The following EPN1 variants were observed in gnomAD, a reference collection of about 807,000 sequenced individuals.
EPN1 encodes epsin-1.
A neutral mutation model predicts 56.9 loss-of-function variants in EPN1; 25 were observed. The ratio of observed to expected loss-of-function variants is 0.44; its 90% CI spans 0.32 to 0.61. The LOEUF is 0.61. EPN1 is among the 20% of genes least tolerant of loss of function. The probability of loss-of-function intolerance (pLI) is 0.05; values close to 1 mark genes in which losing one functional copy is unlikely to be tolerated. For synonymous variants in EPN1, 411 were observed against 361.8 expected, an observed-to-expected ratio of 1.14 and a Z score of -1.54; for missense variants, 785 against 823.7, an observed-to-expected ratio of 0.95 and a Z score of 0.58.
chr19:55,687,161 C>T (rs770827665), intron 3 of EPN1, among the ~76,000 whole-genome samples: 1 of 152,154 alleles, frequency 6.6e-6, no homozygotes, highest in Non-Finnish European at 1.5e-5. Context: ...CATCTTGGTG[C>T]ATTCTTTTCA....
Position 55,689,756 on chromosome 19 carries a change from T to G in EPN1, c.679-111T>G, listed in dbSNP as rs552246524. ...ACATTGTCCGCATCCCATCGAATCC[T>G]TCAGCCGCTTTCGTTGGGGTGGGAG... On this transcript the variant is annotated intron_variant, in intron 5 of 10. Coordinates refer to ENST00000270460, the MANE Select transcript of EPN1 (RefSeq NM_001130072.2). This position sits in a 1 kb window ranked among gnomAD's most constrained non-coding sequence, Gnocchi z 5.7. 6.2e-5 allele frequency: 61 copies of G among 989,978 alleles called. No homozygotes were observed. The highest frequency in any genetic ancestry group is 9.0e-5 in the Non-Finnish European group (58 of 643,576). 61.3% of individuals were successfully genotyped at this position (989,978 alleles called of 1,614,324 possible).
At chr19:55,692,153 C>T (rs916624306) in intron 7 of EPN1, 96 bp downstream of exon 7, 64 of 1,241,976 alleles carry the variant, frequency 5.2e-5, no homozygotes, top group South Asian at 6.1e-5. Context: ...GAGCCAGTGG[C>T]GCCGGGCAGT....
Position 55,698,144 on chromosome 19 carries a change from G to C in EPN1, c.*2788G>C, listed in dbSNP as rs1332584320. ...TGTGAGGGTGGCGGGGGTTGGGGGG[G>C]ATGGCGGCGGGGTTCATTTGCTGAA... On this transcript the variant is annotated 3_prime_UTR_variant, in exon 11 of 11. Transcript: ENST00000270460. The C allele has an allele frequency of 7.4e-6, 1 of 134,922 alleles. No homozygotes were observed. The highest frequency in any genetic ancestry group is 1.6e-5 in the Non-Finnish European group (1 of 62,540). The allele number at this position is 134,922 out of a possible 1,614,324, so 8.4% of individuals were successfully genotyped here.
intron 1 of EPN1, chr19:55,677,192 C>G (rs755766586): frequency 1.6e-5 from 25 of 1,547,796 alleles, no homozygotes; most frequent in Non-Finnish European, 2.1e-5. Flanking sequence ...AGAGCTGGCT[C>G]TGGAACCAGG....
intron 1 of EPN1, among the ~76,000 whole-genome samples, chr19:55,678,209 T>C (rs942251470): frequency 1.2e-4 from 19 of 152,206 alleles, no homozygotes; most frequent in African/African-American, 4.3e-4. Flanking sequence ...GATGACCGCA[T>C]GGAGCCCCAT....
rs776315024 is a variant in EPN1, at chr19:55,692,916, A to G, written c.1178-35A>G. ...GAGGTGGGGGCTGAGGCGGGGCCCC[A>G]GGGAGGGGCTGAGCAGAACATCCTG... On this transcript the variant is annotated intron_variant, in intron 8 of 10. Coordinates refer to ENST00000270460, the MANE Select transcript of EPN1 (RefSeq NM_001130072.2). The G allele has an allele frequency of 2.9e-5, 47 of 1,608,450 alleles. 1 individual carries two copies. Among genetic ancestry groups the G allele is most frequent in the South Asian group, 4.4e-5 (4 of 90,706 alleles).
intron 2 of EPN1, among the ~76,000 whole-genome samples, chr19:55,683,910 C>G (rs76889362): frequency 0.077 from 11,786 of 152,258 alleles, 611 homozygotes; most frequent in East Asian, 0.29. Flanking sequence ...TGGCACGACT[C>G]TGCCCAGCGC....
In EPN1 at chr19:55,704,162, C is replaced by G. The variant is rs1433865706; in HGVS notation, c.*8806C>G. On this transcript the variant is annotated 3_prime_UTR_variant, in exon 11 of 11. Coordinates refer to ENST00000270460, the MANE Select transcript of EPN1 (RefSeq NM_001130072.2). ...AGCCCAGCGCGCACACTAGACGGCA[C>G]GTGCTCTCCACGCTCTTTCTCCAGC... The G allele has an allele frequency of 6.6e-6, 1 of 152,662 alleles. No homozygotes were observed. The highest frequency in any genetic ancestry group is 2.1e-4 in the South Asian group (1 of 4,834). 9.5% of individuals were successfully genotyped at this position (152,662 alleles called of 1,614,324 possible). A position where few individuals can be genotyped will look rare whatever the true frequency, so the allele number is the denominator to read the frequency against.
intron 3 of EPN1, among the ~76,000 whole-genome samples, chr19:55,686,291 C>T (rs575545521): frequency 6.9e-6 from 1 of 144,730 alleles, no homozygotes; most frequent in East Asian, 2.1e-4. Flanking sequence ...GAAGTGTGGT[C>T]TGTGTTGGTC....
At position 55,694,499 on chromosome 19, in the gene EPN1, C is replaced by G; in HGVS notation, c.1265-227C>G. ...GAGGGTGACACCTGCTTCTGTCATCCCTCTTGTGTTTGCTCACTGGAATCA... is the reference window on the plus strand; with the variant it reads ...GAGGGTGACACCTGCTTCTGTCATCGCTCTTGTGTTTGCTCACTGGAATCA... On this transcript the variant is annotated intron_variant, in intron 9 of 10. Transcript: ENST00000270460. This position sits in a 1 kb window ranked among gnomAD's most constrained non-coding sequence, Gnocchi z 4.2. The G allele has an allele frequency of 2.2e-6, 1 of 455,106 alleles. No individual in the cohort carries two copies. The highest frequency in any genetic ancestry group is 3.8e-6 in the Non-Finnish European group (1 of 264,232). The allele number at this position is 455,106 out of a possible 1,614,324, so 28.2% of individuals were successfully genotyped here. A position where few individuals can be genotyped will look rare whatever the true frequency, so the allele number is the denominator to read the frequency against.
In EPN1 at chr19:55,703,597, T is replaced by G. The variant is rs990872199; in HGVS notation, c.*8241T>G. On this transcript the variant is annotated 3_prime_UTR_variant, in exon 11 of 11. Coordinates refer to ENST00000270460, the MANE Select transcript of EPN1 (RefSeq NM_001130072.2). ...CCTCGGCCCCCCAAAGTACTGGGAT[T>G]ACAGGCGTGAGCCACTGGGCGCAGC... 4 of 152,214 alleles carry G rather than the reference T, an allele frequency of 2.6e-5. No individual in the cohort carries two copies. The highest frequency in any genetic ancestry group is 5.9e-5 in the Non-Finnish European group (4 of 68,060). The allele number at this position is 152,214 out of a possible 1,614,324, so 9.4% of individuals were successfully genotyped here.
At chr19:55,683,421 G>C (rs1476061659) in intron 2 of EPN1, among the ~76,000 whole-genome samples, 1 of 152,022 alleles carries the variant, frequency 6.6e-6, no homozygotes, top group Non-Finnish European at 1.5e-5. Context: ...GCGTGCTCTT[G>C]GCTCACTATC....
chr19:55,685,326 G>C, intron 2 of EPN1, 70 bp from the exon 3 acceptor site: 1 of 1,546,758 alleles, frequency 6.5e-7, no homozygotes. Flanking sequence ...CCCAGAGCCC[G>C]CGTCGCAGGC....
intron 2 of EPN1, 26 bp from the exon 3 acceptor site, chr19:55,685,370 C>T (rs1986095433): frequency 3.1e-6 from 5 of 1,601,938 alleles, no homozygotes; most frequent in Non-Finnish European, 4.3e-6. Context: ...GGCGTGCTGA[C>T]CGGGCATCCC....
rs1986865269 is a variant in EPN1 at position 55,695,452 on chromosome 19, C to T, written c.*96C>T. On this transcript the variant is annotated 3_prime_UTR_variant, in exon 11 of 11. Transcript: ENST00000270460. This position sits in a 1 kb window ranked among gnomAD's most constrained non-coding sequence, Gnocchi z 4.4. The stretch of plus-strand genomic sequence containing the variant: ...GTGCATGTGAAATGGGGGATCCCCA[C>T]CCCCAGTGCCCTTCCCCTTCCTGGG... 4.5e-6 allele frequency: 3 copies of T among 667,290 alleles called. No homozygotes were observed. Among genetic ancestry groups the T allele is most frequent in the Non-Finnish European group, 7.6e-6 (3 of 393,476 alleles). The allele number at this position is 667,290 out of a possible 1,614,324, so 41.3% of individuals were successfully genotyped here.
chr19:55,692,603 C>T (rs1236935479), intron 7 of EPN1, 83 bp from the exon 8 acceptor site: 4 of 923,814 alleles, frequency 4.3e-6, no homozygotes, highest in African/African-American at 1.7e-5. Context: ...TGTGAACAGC[C>T]ACAGATTTGG....
At chr19:55,693,295 ACCCGTCTCTGC>A in intron 9 of EPN1, 3 of 471,478 alleles carry the variant, frequency 6.4e-6, no homozygotes, top group Non-Finnish European at 3.8e-6. Context: ...TTGACCTCTG[ACCCGTCTCTGC>A]CTCCACGTTG....
Position 55,695,348 on chromosome 19 carries a change from C to T in EPN1, c.1723C>T (p.Leu575Phe), listed in dbSNP as rs775123359. 3.4e-6 allele frequency: 5 copies of T among 1,488,354 alleles called. No homozygotes were observed. The highest frequency in any genetic ancestry group is 4.0e-5 in the Admixed American group (2 of 50,624). 92.2% of individuals were successfully genotyped at this position (1,488,354 alleles called of 1,614,324 possible). ...GPPAPNTNPF[L>F]L ...CCCGGCCCCCAACACTAATCCCTTC[C>T]TCCTATAATCCAGGGCGGAAGGGGG... The change falls in exon 11 of 11, where the codon CTC (leucine) becomes TTC (phenylalanine). Residue 575 changes from leucine (L) to phenylalanine (F), a missense_variant. Around this residue, in one of 2 missense-constraint regions of EPN1, gnomAD observed 650 missense variants for 605.0 expected, o/e 1.07. Coordinates refer to ENST00000270460, the MANE Select transcript of EPN1 (RefSeq NM_001130072.2). This position sits in a 1 kb window ranked among gnomAD's most constrained non-coding sequence, Gnocchi z 4.4.
chr19:55,694,616 C>T lies in EPN1; in HGVS notation c.1265-110C>T. On this transcript the variant is annotated intron_variant, in intron 9 of 10. Coordinates refer to ENST00000270460, the MANE Select transcript of EPN1 (RefSeq NM_001130072.2). This position sits in a 1 kb window ranked among gnomAD's most constrained non-coding sequence, Gnocchi z 4.2. Reference sequence around the variant, plus strand: ...CACCTCAGTTCCTCCTTCCCGAGGCCTCTGGGCACCGGGCTCTTTGAAGCG... The same window carrying T: ...CACCTCAGTTCCTCCTTCCCGAGGCTTCTGGGCACCGGGCTCTTTGAAGCG... 1 of 1,353,574 alleles carries T rather than the reference C, an allele frequency of 7.4e-7. No individual in the cohort carries two copies. Among genetic ancestry groups the T allele is most frequent in the Non-Finnish European group, 9.7e-7 (1 of 1,028,576 alleles). The allele number at this position is 1,353,574 out of a possible 1,614,324, so 83.8% of individuals were successfully genotyped here.
Sources: allele counts gnomAD v4.1 joint callset (sites outside exome capture counted in the v4.1 genomes callset), GRCh38; gene constraint gnomAD v4.1.1; regional missense constraint gnomAD v4.1.1; non-coding constraint Gnocchi (gnomAD v3.1); transcripts MANE v1.5; gene names NCBI Gene and HGNC (gene_info 2026-07-23, HGNC 2026-07-21).